DLGAP4: variants seen among roughly 807,000 people sequenced by gnomAD.
DLGAP4 encodes the protein DLG associated protein 4.
Under a neutral mutation model 86.9 loss-of-function variants are expected in DLGAP4, and 18 were observed. The observed-to-expected ratio is 0.21, with a 90% confidence interval of 0.14 to 0.31. The LOEUF (loss-of-function observed/expected upper bound fraction) is 0.31. DLGAP4 is among the 10% of genes least tolerant of loss of function. DLGAP4 has a pLI of 1.00. For missense variants in DLGAP4, 1,085 were observed against 1,362.6 expected, an observed-to-expected ratio of 0.80 and a Z score of 3.21; for synonymous variants, 548 against 574.3, an observed-to-expected ratio of 0.95 and a Z score of 0.65.
At chr20:36,354,104 G>A (rs111558909) in intron 1 of DLGAP4, among the ~76,000 whole-genome samples, 9 of 152,244 alleles carry the variant, frequency 5.9e-5, no homozygotes, top group African/African-American at 1.7e-4. Flanking sequence ...CCGGCCTCCC[G>A]CCTCAGGCCA....
chr20:36,435,248 C>G (rs2033240430), intron 3 of DLGAP4, among the ~76,000 whole-genome samples: 1 of 152,120 alleles, frequency 6.6e-6, no homozygotes, highest in Non-Finnish European at 1.5e-5. Context: ...TGTGTGAGTG[C>G]TGAGATGTGT....
At chr20:36,435,500 T>A (rs2033248275) in intron 3 of DLGAP4, among the ~76,000 whole-genome samples, 1 of 152,208 alleles carries the variant, frequency 6.6e-6, no homozygotes, top group Non-Finnish European at 1.5e-5. Context: ...ACGGAGTCCC[T>A]GAAGTTCAGA....
chr20:36,455,721 T>C (rs527602482), intron 7 of DLGAP4, among the ~76,000 whole-genome samples: 2 of 152,160 alleles, frequency 1.3e-5, no homozygotes, highest in African/African-American at 4.8e-5. Flanking sequence ...CTGCCCCTCT[T>C]TGTCCCATCT....
intron 10 of DLGAP4, among the ~76,000 whole-genome samples, chr20:36,506,195 G>A (rs1485509350): frequency 6.6e-6 from 1 of 152,110 alleles, no homozygotes; most frequent in Non-Finnish European, 1.5e-5. Flanking sequence ...AGTAAGCCTG[G>A]GGCAGGGTGC....
At chr20:36,325,719 CTT>C (rs150878228) in intron 1 of DLGAP4, among the ~76,000 whole-genome samples, 46 of 142,358 alleles carry the variant, frequency 3.2e-4, no homozygotes, top group African/African-American at 8.2e-4. Context: ...ACAAAATATA[CTT>C]TTTTTTTTTT....
intron 8 of DLGAP4, chr20:36,498,631 A>G (rs1206761672): frequency 6.6e-6 from 1 of 152,572 alleles, no homozygotes; most frequent in Non-Finnish European, 1.5e-5. Flanking sequence ...CCGAGGGGAA[A>G]TGTGGCTGCA....
At position 36,432,890 on chromosome 20, in the gene DLGAP4, T is replaced by C. The variant is rs1454398077; in HGVS notation, c.999+174T>C. On this transcript the variant is annotated intron_variant, in intron 3 of 12. Transcript: ENST00000339266. This position sits in a 1 kb window ranked among gnomAD's most constrained non-coding sequence, Gnocchi z 6.5. ...GCTAATCAGGGAGTCCTTCCACTGG[T>C]CATGCTCTCAACAGAGATTAATTAG... Among the ~76,000 whole-genome samples, 4 of 152,162 alleles carry C rather than the reference T, an allele frequency of 2.6e-5. No individual in the cohort carries two copies. The highest frequency in any genetic ancestry group is 1.5e-5 in the Non-Finnish European group (1 of 68,030).
chr20:36,451,454 G>A (rs981971669), intron 7 of DLGAP4, among the ~76,000 whole-genome samples: 22 of 152,246 alleles, frequency 1.4e-4, no homozygotes, highest in South Asian at 4.1e-4. Context: ...AGGTTCAAGC[G>A]ATTCTCATGC....
At chr20:36,461,676 C>CCGGCCGGGG in intron 7 of DLGAP4, 1 of 167,736 alleles carries the variant, frequency 6.0e-6, no homozygotes, top group Non-Finnish European at 1.1e-5. Context: ...CGGCCCGGCC[C>CCGGCCGGGG]GGCCCTGCCC....
chr20:36,423,455 CAAA>C (rs11434258), intron 2 of DLGAP4, among the ~76,000 whole-genome samples: 4 of 16,334 alleles, frequency 2.4e-4, no homozygotes, highest in Non-Finnish European at 4.1e-4. Flanking sequence ...GACTCCGTCT[CAAA>C]AAAAAAAAAA....
chr20:36,321,999 G>A (rs1475394452), intron 1 of DLGAP4, among the ~76,000 whole-genome samples: 1 of 152,142 alleles, frequency 6.6e-6, no homozygotes, highest in Non-Finnish European at 1.5e-5. Flanking sequence ...GAGGGGACAT[G>A]GCTCTGAGTG....
chr20:36,394,161 A>G (rs1026227461), intron 2 of DLGAP4, among the ~76,000 whole-genome samples: 1 of 152,212 alleles, frequency 6.6e-6, no homozygotes, highest in African/African-American at 2.4e-5. Context: ...ACTTTAGGTC[A>G]GACCTCACTT....
At chr20:36,359,355 G>A (rs147694492) in intron 1 of DLGAP4, among the ~76,000 whole-genome samples, 1 of 152,316 alleles carries the variant, frequency 6.6e-6, no homozygotes, top group Non-Finnish European at 1.5e-5. Flanking sequence ...AGCCACACGT[G>A]GCTCACGGCC....
intron 2 of DLGAP4, among the ~76,000 whole-genome samples, chr20:36,410,253 G>GA (rs1014179240): frequency 2.0e-5 from 3 of 152,140 alleles, no homozygotes; most frequent in African/African-American, 7.2e-5. Context: ...CTTCCTTCTG[G>GA]AAAAACCTGC....
chr20:36,411,852 T>C (rs2032509362), intron 2 of DLGAP4, among the ~76,000 whole-genome samples: 1 of 152,088 alleles, frequency 6.6e-6, no homozygotes, highest in East Asian at 1.9e-4. Flanking sequence ...CTTATCCCTT[T>C]TTATGAAACG....
intron 3 of DLGAP4, 89 bp from the exon 4 acceptor site, chr20:36,436,020 C>G (rs2033263929): frequency 6.9e-7 from 1 of 1,440,946 alleles, no homozygotes; most frequent in Non-Finnish European, 9.1e-7. Context: ...CTGCAGGGAA[C>G]GAGGGAGCTT....
intron 1 of DLGAP4, among the ~76,000 whole-genome samples, chr20:36,362,982 A>C (rs1455908786): frequency 6.6e-6 from 1 of 152,212 alleles, no homozygotes; most frequent in Non-Finnish European, 1.5e-5. Context: ...TCATGCAGCC[A>C]CGTAACTGGC....
intron 7 of DLGAP4, among the ~76,000 whole-genome samples, chr20:36,466,327 G>T (rs1473752979): frequency 6.6e-6 from 1 of 152,190 alleles, no homozygotes; most frequent in Non-Finnish European, 1.5e-5. Context: ...TGTAGTAACA[G>T]CCCCTCAATA....
chr20:36,435,959 C>T, intron 3 of DLGAP4, 150 bp from the exon 4 acceptor site: 1 of 1,245,062 alleles, frequency 8.0e-7, no homozygotes, highest in Non-Finnish European at 1.1e-6. Context: ...GGGCTCTGCT[C>T]TGCTGCCCCG....
Sources: allele counts gnomAD v4.1 joint callset (sites outside exome capture counted in the v4.1 genomes callset), GRCh38; gene constraint gnomAD v4.1.1; non-coding constraint Gnocchi (gnomAD v3.1); transcripts MANE v1.5; gene names NCBI Gene and HGNC (gene_info 2026-07-23, HGNC 2026-07-21).